POPDC1: variants seen among roughly 807,000 people sequenced by gnomAD.
POPDC1 encodes the protein popeye domain cAMP effector 1, also known as popeye domain-containing protein 1.
At chr6:105,121,476 C>G in the POPDC1 span, among the ~76,000 whole-genome samples, 1 of 152,060 alleles carries the variant, frequency 6.6e-6, no homozygotes, top group South Asian at 2.1e-4. Flanking sequence ...CCATGTTGGC[C>G]AGGCTGGTTT....
At chr6:105,126,890 A>G in the POPDC1 span, among the ~76,000 whole-genome samples, 1 of 152,244 alleles carries the variant, frequency 6.6e-6, no homozygotes, top group African/African-American at 2.4e-5. Flanking sequence ...ATTGTAAGCT[A>G]AAATGAACTC....
At chr6:105,121,905 T>C in the POPDC1 span, among the ~76,000 whole-genome samples, 1 of 152,192 alleles carries the variant, frequency 6.6e-6, no homozygotes, top group African/African-American at 2.4e-5. Flanking sequence ...ATCGAACATG[T>C]TTAACTGGTC....
At chr6:105,124,606 C>T in the POPDC1 span, 13 of 1,612,774 alleles carry the variant, frequency 8.1e-6, no homozygotes, top group South Asian at 1.1e-4. Context: ...TCTATAAAGG[C>T]ACAGGGGTAA....
chr6:105,125,351 A>C, the POPDC1 span: 7 of 1,601,196 alleles, frequency 4.4e-6, no homozygotes, highest in African/African-American at 4.0e-5. Flanking sequence ...TGAAAAGATT[A>C]AAGGTAAACT....
chr6:105,121,118 T>C, the POPDC1 span, among the ~76,000 whole-genome samples: 1 of 152,160 alleles, frequency 6.6e-6, no homozygotes, highest in Non-Finnish European at 1.5e-5. Flanking sequence ...ACTTTGATTT[T>C]TGGGCTTTGC....
chr6:105,105,364 C>G, the POPDC1 span, among the ~76,000 whole-genome samples: 2 of 152,176 alleles, frequency 1.3e-5, no homozygotes, highest in African/African-American at 4.8e-5. Context: ...TGTACCAGCC[C>G]CAGTTAGCCT....
chr6:105,099,573 C>A, the POPDC1 span: 1 of 152,214 alleles, frequency 6.6e-6, no homozygotes, highest in East Asian at 1.9e-4. Flanking sequence ...GCTGGCCAGA[C>A]ACACTGACCA....
the POPDC1 span, chr6:105,125,411 C>CA: frequency 1.2e-6 from 2 of 1,614,204 alleles, no homozygotes; most frequent in Non-Finnish European, 1.7e-6. Context: ...AGAGAATACT[C>CA]AGACGGTCAT....
At chr6:105,104,602 G>A in the POPDC1 span, among the ~76,000 whole-genome samples, 1 of 152,134 alleles carries the variant, frequency 6.6e-6, no homozygotes, top group Non-Finnish European at 1.5e-5. Flanking sequence ...AGCGCAGGCA[G>A]GCCTCAGGGT....
At chr6:105,116,747 A>G in the POPDC1 span, 5 of 1,610,364 alleles carry the variant, frequency 3.1e-6, no homozygotes, top group African/African-American at 6.7e-5. Context: ...CTTATTTGTG[A>G]TGTCTTTTCC....
At chr6:105,121,588 A>C in the POPDC1 span, among the ~76,000 whole-genome samples, 22 of 152,238 alleles carry the variant, frequency 1.4e-4, 1 homozygote, top group East Asian at 1.4e-3. Flanking sequence ...TTTTGTAATA[A>C]TACTACTCAA....
chr6:105,106,169 C>T, the POPDC1 span, among the ~76,000 whole-genome samples: 3 of 152,266 alleles, frequency 2.0e-5, no homozygotes, highest in African/African-American at 7.2e-5. Flanking sequence ...CAGTATCATA[C>T]TGAACTGAAA....
chr6:105,109,529 G>A, the POPDC1 span, among the ~76,000 whole-genome samples: 1 of 151,840 alleles, frequency 6.6e-6, no homozygotes, highest in South Asian at 2.1e-4. Context: ...CTTGAGCCCA[G>A]GAATTTGAGA....
the POPDC1 span, among the ~76,000 whole-genome samples, chr6:105,135,098 T>A: frequency 6.6e-6 from 1 of 152,136 alleles, no homozygotes; most frequent in South Asian, 2.1e-4. Flanking sequence ...TAACTATCAT[T>A]TCGACAGCAC....
the POPDC1 span, among the ~76,000 whole-genome samples, chr6:105,119,978 G>GTTGGAA: frequency 0.14 from 8,925 of 64,378 alleles, 4,089 homozygotes; most frequent in Admixed American, 0.16. Flanking sequence ...CATGGATTTG[G>GTTGGAA]GCCGGGCGCG....
the POPDC1 span, among the ~76,000 whole-genome samples, chr6:105,121,119 T>G: frequency 6.6e-6 from 1 of 152,164 alleles, no homozygotes; most frequent in African/African-American, 2.4e-5. Context: ...CTTTGATTTT[T>G]GGGCTTTGCA....
the POPDC1 span, among the ~76,000 whole-genome samples, chr6:105,113,234 G>A: frequency 6.6e-6 from 1 of 152,116 alleles, no homozygotes; most frequent in Non-Finnish European, 1.5e-5. Context: ...GCCTGGCCAA[G>A]CATGAGCTCT....
At chr6:105,118,437 G>T in the POPDC1 span, among the ~76,000 whole-genome samples, 2 of 152,180 alleles carry the variant, frequency 1.3e-5, no homozygotes, top group African/African-American at 4.8e-5. Flanking sequence ...AAATGCATCA[G>T]CATCTAAGAC....
the POPDC1 span, chr6:105,116,782 C>G: frequency 1.2e-6 from 2 of 1,612,518 alleles, no homozygotes; most frequent in Non-Finnish European, 1.7e-6. Context: ...AGATTTCATA[C>G]AAGAAAGGTT....
Sources: gnomAD v4.1 joint callset for allele counts (sites outside exome capture counted in the v4.1 genomes callset) on GRCh38, gnomAD v4.1.1 for gene constraint, MANE v1.5 for transcripts, NCBI Gene and HGNC (gene_info 2026-07-23, HGNC 2026-07-21) for gene names.